CCDC60: variants seen among roughly 807,000 people sequenced by gnomAD.
CCDC60 encodes the protein coiled-coil domain containing 60.
In CCDC60, 54 loss-of-function variants were observed where a neutral mutation model predicts 63.5. The observed-to-expected ratio is 0.85, with a 90% CI of 0.68 to 1.07. The LOEUF is 1.07. Among genes scored for constraint, CCDC60 ranks in the 50% least tolerant of loss-of-function variants. The pLI, the probability that CCDC60 is intolerant of heterozygous loss-of-function variation, is 0.00. For synonymous variants in CCDC60, 206 were observed against 238.8 expected (o/e 0.86, Z 1.27); for missense variants, 651 against 684.3 (o/e 0.95, Z 0.54).
chr12:119,383,651 C>T (rs1956031534), intron 1 of CCDC60, among the ~76,000 whole-genome samples: 1 of 152,200 alleles, frequency 6.6e-6, no homozygotes, highest in Admixed American at 6.5e-5. Flanking sequence ...TTTGAGAGCT[C>T]AAGAGACACA....
At chr12:119,531,211 A>T (rs2136533952) in intron 13 of CCDC60, 148 bp downstream of exon 13, 1 of 680,294 alleles carries the variant, frequency 1.5e-6, no homozygotes, top group Non-Finnish European at 2.4e-6. Flanking sequence ...TTGTCCCATT[A>T]CCTGGTTGCC....
chr12:119,516,076 AATTT>A (rs1246062133), intron 7 of CCDC60, among the ~76,000 whole-genome samples: 1 of 152,022 alleles, frequency 6.6e-6, no homozygotes, highest in Non-Finnish European at 1.5e-5. Flanking sequence ...GTGTTGAAAG[AATTT>A]ATTTATGTTT....
chr12:119,391,270 T>C (rs957693495), intron 1 of CCDC60, among the ~76,000 whole-genome samples: 1 of 152,212 alleles, frequency 6.6e-6, no homozygotes, highest in Non-Finnish European at 1.5e-5. Flanking sequence ...TATGTGTATG[T>C]GTGTGTGTGT....
Position 119,505,104 on chromosome 12 carries a change from C to T in CCDC60, c.684C>T (p.Thr228=). 6.2e-7 allele frequency: 1 copy of T among 1,609,140 alleles called. No individual in the cohort carries two copies. The highest frequency in any genetic ancestry group is 8.5e-7 in the Non-Finnish European group (1 of 1,176,666). ...KKFKIPTMRV[T]NRKPSRRGST... ...TCAAAATTCCCACAATGCGAGTCACCAACCGCAAACCAAGCCGGCGAGGCT... is the reference window on the plus strand; with the variant it reads ...TCAAAATTCCCACAATGCGAGTCACTAACCGCAAACCAAGCCGGCGAGGCT... Residue 228 remains threonine (T), a synonymous_variant, in exon 7 of 14, where the codon ACC becomes ACT. Transcript: ENST00000327554.
At chr12:119,404,771 A>T (rs571439559) in intron 1 of CCDC60, among the ~76,000 whole-genome samples, 26 of 152,266 alleles carry the variant, frequency 1.7e-4, no homozygotes, top group African/African-American at 6.3e-4. Flanking sequence ...ACCATGACAG[A>T]TCTAGAGGGT....
Position 119,410,564 on chromosome 12 carries a change from A to C in CCDC60, c.91-18119A>C, listed in dbSNP as rs76247904. ...GGAAAACCTTCATCACCACACCCCA[A>C]TACACACACACACACAGGCACACAC... On this transcript the variant is annotated intron_variant, in intron 1 of 13. Transcript: ENST00000327554. The surrounding 1 kb of genome is among the most constrained non-coding windows in gnomAD (Gnocchi z 4.0). Among the ~76,000 whole-genome samples, 1 of 151,646 alleles carries C rather than the reference A, an allele frequency of 6.6e-6. No individual in the cohort carries two copies. Among genetic ancestry groups the C allele is most frequent in the Non-Finnish European group, 1.5e-5 (1 of 67,940 alleles).
intron 3 of CCDC60, among the ~76,000 whole-genome samples, chr12:119,477,298 C>T (rs763490000): frequency 6.6e-6 from 1 of 152,222 alleles, no homozygotes; most frequent in African/African-American, 2.4e-5. Context: ...GAACATAGAC[C>T]TACCTCTCGA....
chr12:119,348,901 C>T (rs780436062), intron 1 of CCDC60, among the ~76,000 whole-genome samples: 2 of 152,128 alleles, frequency 1.3e-5, no homozygotes, highest in Non-Finnish European at 2.9e-5. Flanking sequence ...GTAAATGGTA[C>T]ATTATATAGC....
At chr12:119,475,992 A>G (rs771815993) in intron 3 of CCDC60, among the ~76,000 whole-genome samples, 3 of 152,248 alleles carry the variant, frequency 2.0e-5, no homozygotes, top group Non-Finnish European at 2.9e-5. Flanking sequence ...TCACAAAAGT[A>G]TAAAAAATAC....
rs189110573 is a variant in CCDC60, at chr12:119,456,422, G to C, written c.171-15572G>C. On this transcript the variant is annotated intron_variant, in intron 2 of 13. Coordinates refer to ENST00000327554, the MANE Select transcript of CCDC60 (RefSeq NM_178499.5). This position sits in a 1 kb window ranked among gnomAD's most constrained non-coding sequence, Gnocchi z 4.6. Reference sequence around the variant, plus strand: ...ATGATCAATTAACTGGATATGAAAGGGGTCAAAAGACACAAGTGTTACAGG... The same window carrying C: ...ATGATCAATTAACTGGATATGAAAGCGGTCAAAAGACACAAGTGTTACAGG... Among the ~76,000 whole-genome samples the C allele has an allele frequency of 5.3e-5, 8 of 152,214 alleles. No homozygotes were observed. Among genetic ancestry groups the C allele is most frequent in the Non-Finnish European group, 7.4e-5 (5 of 68,014 alleles).
At chr12:119,365,306 C>A (rs1030461565) in intron 1 of CCDC60, among the ~76,000 whole-genome samples, 1 of 152,052 alleles carries the variant, frequency 6.6e-6, no homozygotes, top group African/African-American at 2.4e-5. Context: ...ATGTTCCTGG[C>A]AGTAATGAAC....
rs927905842 is a variant in CCDC60 at position 119,336,646 on chromosome 12, C to G, written c.90+1380C>G. 3.3e-5 allele frequency among the ~76,000 whole-genome samples: 5 copies of G among 152,160 alleles called. No homozygotes were observed. The South Asian group carries it at 1.0e-3, about 32-fold the overall frequency. ...GACTTTAGACAGGTGAATTGCTTAG[C>G]CTCTCTGAGGCTTTATTTCCTTGTG... On this transcript the variant is annotated intron_variant, in intron 1 of 13. Coordinates refer to ENST00000327554, the MANE Select transcript of CCDC60 (RefSeq NM_178499.5).
chr12:119,370,826 G>A (rs1955890058), intron 1 of CCDC60, among the ~76,000 whole-genome samples: 1 of 152,136 alleles, frequency 6.6e-6, no homozygotes, highest in Non-Finnish European at 1.5e-5. Flanking sequence ...CCAGGAGTTT[G>A]AGACCAGCCT....
chr12:119,337,860 G>T (rs947014125), intron 1 of CCDC60, among the ~76,000 whole-genome samples: 9 of 144,192 alleles, frequency 6.2e-5, no homozygotes, highest in African/African-American at 2.2e-4. Context: ...GTGTGTGTGT[G>T]TGTGTCTCCA....
chr12:119,400,761 G>C (rs1390649535), intron 1 of CCDC60, among the ~76,000 whole-genome samples: 1 of 152,242 alleles, frequency 6.6e-6, no homozygotes, highest in Non-Finnish European at 1.5e-5. Context: ...ATGGACCACG[G>C]CTTGAGCAGC....
At chr12:119,423,435 T>C (rs1387214462) in intron 1 of CCDC60, among the ~76,000 whole-genome samples, 1 of 152,214 alleles carries the variant, frequency 6.6e-6, no homozygotes, top group African/African-American at 2.4e-5. Flanking sequence ...GGGCTGATCC[T>C]TGCAAACTAC....
intron 13 of CCDC60, among the ~76,000 whole-genome samples, chr12:119,534,552 T>C (rs548490707): frequency 2.4e-4 from 36 of 152,298 alleles, no homozygotes; most frequent in Non-Finnish European, 4.6e-4. Flanking sequence ...GGCTGTGGGT[T>C]TGTCATAAAT....
At chr12:119,360,049 C>T (rs1425416078) in intron 1 of CCDC60, among the ~76,000 whole-genome samples, 1 of 152,038 alleles carries the variant, frequency 6.6e-6, no homozygotes, top group Non-Finnish European at 1.5e-5. Context: ...AGCTGTTGGG[C>T]ACACCTCCCA....
intron 1 of CCDC60, among the ~76,000 whole-genome samples, chr12:119,345,911 G>A (rs4767812): frequency 0.77 from 116,998 of 151,550 alleles, 46,181 homozygotes; most frequent in African/African-American, 0.94. Flanking sequence ...TCCACCTCCC[G>A]GGTTCAAGGG....
Sources: allele counts gnomAD v4.1 joint callset (sites outside exome capture counted in the v4.1 genomes callset), GRCh38; gene constraint gnomAD v4.1.1; non-coding constraint Gnocchi (gnomAD v3.1); transcripts MANE v1.5; gene names NCBI Gene and HGNC (gene_info 2026-07-23, HGNC 2026-07-21).